SND1: variants seen among roughly 807,000 people sequenced by gnomAD.
The protein encoded by SND1 is staphylococcal nuclease domain-containing protein 1.
In SND1, 38 loss-of-function variants were observed where a neutral mutation model predicts 121.7. The observed-to-expected ratio is 0.31, with a 90% CI of 0.24 to 0.41. The LOEUF is 0.41. SND1 is among the 10% of genes least tolerant of loss of function. SND1 has a pLI of 1.00. For missense variants in SND1, 868 were observed against 1,184.6 expected, an observed-to-expected ratio of 0.73 and a Z score of 3.92; for synonymous variants, 401 against 447.4, an observed-to-expected ratio of 0.90 and a Z score of 1.31.
At chr7:127,804,405 A>G (rs1356461404) in intron 10 of SND1, among the ~76,000 whole-genome samples, 1 of 151,832 alleles carries the variant, frequency 6.6e-6, no homozygotes, top group Admixed American at 6.6e-5. Flanking sequence ...TACACTTTTT[A>G]TTTTCCTTCA....
intron 16 of SND1, among the ~76,000 whole-genome samples, chr7:128,021,737 TATC>T (rs1803353336): frequency 6.6e-6 from 1 of 152,068 alleles, no homozygotes; most frequent in Non-Finnish European, 1.5e-5. Context: ...GGAGAGGAAA[TATC>T]ATGAGAAATG....
intron 12 of SND1, among the ~76,000 whole-genome samples, chr7:127,882,238 G>A (rs1158158138): frequency 6.6e-6 from 1 of 151,578 alleles, no homozygotes; most frequent in African/African-American, 2.4e-5. Flanking sequence ...TGGGTGACAG[G>A]GCATGACCCT....
rs148428602 is a variant in SND1, at chr7:127,661,810, A to G, written c.78+9359A>G. On this transcript the variant is annotated intron_variant, in intron 1 of 23. Coordinates refer to ENST00000354725, the MANE Select transcript of SND1 (RefSeq NM_014390.4). ...TTAAAATTTCAAGCAGTAGAGAGGTATGAAGTAAAAAAGAAAAATCCCTAG... is the reference window on the plus strand; with the variant it reads ...TTAAAATTTCAAGCAGTAGAGAGGTGTGAAGTAAAAAAGAAAAATCCCTAG... Among the ~76,000 whole-genome samples the G allele has an allele frequency of 4.5e-3, 686 of 152,176 alleles. 6 individuals carry two copies. The highest frequency in any genetic ancestry group is 0.016 in the African/African-American group (652 of 41,518).
intron 16 of SND1, among the ~76,000 whole-genome samples, chr7:128,025,477 C>T (rs973976080): frequency 1.3e-5 from 2 of 152,162 alleles, no homozygotes; most frequent in Non-Finnish European, 2.9e-5. Flanking sequence ...TCTCTAACTC[C>T]GTATCATCAG....
intron 15 of SND1, among the ~76,000 whole-genome samples, chr7:127,933,876 T>G (rs1558492): frequency 1 from 152,144 of 152,298 alleles, 75,995 homozygotes; most frequent in East Asian, 1. Flanking sequence ...TGGAAGGAAG[T>G]CTCCTGGCTT....
chr7:127,937,153 C>T (rs1347171234), intron 15 of SND1, among the ~76,000 whole-genome samples: 3 of 152,172 alleles, frequency 2.0e-5, no homozygotes, highest in Non-Finnish European at 2.9e-5. Flanking sequence ...GTGAGTCCAC[C>T]ATGCCGTGTT....
chr7:128,040,321 A>G (rs1178266175), intron 16 of SND1, among the ~76,000 whole-genome samples: 3 of 151,254 alleles, frequency 2.0e-5, no homozygotes, highest in African/African-American at 4.9e-5. Context: ...TAATCCCAGC[A>G]TTTTGGGAGG....
intron 11 of SND1, among the ~76,000 whole-genome samples, chr7:127,843,018 A>G (rs1798991881): frequency 6.6e-6 from 1 of 152,214 alleles, no homozygotes; most frequent in Non-Finnish European, 1.5e-5. Flanking sequence ...TCTGTAAAGT[A>G]AAATTGCTGT....
intron 14 of SND1, among the ~76,000 whole-genome samples, chr7:127,914,381 G>A (rs946851318): frequency 6.6e-6 from 1 of 152,138 alleles, no homozygotes; most frequent in Non-Finnish European, 1.5e-5. Flanking sequence ...CCTGGCATAT[G>A]TCTCTTCTTC....
intron 10 of SND1, among the ~76,000 whole-genome samples, chr7:127,784,968 G>C (rs551494471): frequency 6.6e-6 from 1 of 151,996 alleles, no homozygotes; most frequent in Non-Finnish European, 1.5e-5. Context: ...GCACAAGCTG[G>C]AGTGCAGTGG....
chr7:127,827,710 G>A (rs1327739264), intron 11 of SND1, among the ~76,000 whole-genome samples: 2 of 152,092 alleles, frequency 1.3e-5, no homozygotes, highest in Non-Finnish European at 2.9e-5. Context: ...ATCTGATATG[G>A]CATTTCATTT....
chr7:128,068,249 C>G (rs934429611), intron 16 of SND1, among the ~76,000 whole-genome samples: 3 of 151,136 alleles, frequency 2.0e-5, no homozygotes, highest in Non-Finnish European at 4.4e-5. Context: ...CATGCTCACT[C>G]TCTCCCTCCC....
At chr7:128,061,547 T>C (rs1016509930) in intron 16 of SND1, among the ~76,000 whole-genome samples, 7 of 152,214 alleles carry the variant, frequency 4.6e-5, no homozygotes, top group African/African-American at 1.7e-4. Context: ...TATACGTTTC[T>C]AGGTCACAAA....
intron 16 of SND1, among the ~76,000 whole-genome samples, chr7:128,012,457 C>G (rs1172584233): frequency 6.6e-6 from 1 of 152,208 alleles, no homozygotes; most frequent in Non-Finnish European, 1.5e-5. Context: ...CACAAGAAAG[C>G]CCCAGTCCCT....
At chr7:128,024,720 T>C (rs769327575) in intron 16 of SND1, among the ~76,000 whole-genome samples, 17 of 152,212 alleles carry the variant, frequency 1.1e-4, no homozygotes, top group Non-Finnish European at 2.1e-4. Flanking sequence ...TTTACCTCCA[T>C]TGACGATAGG....
intron 10 of SND1, among the ~76,000 whole-genome samples, chr7:127,760,703 G>GAAGA (rs1337620076): frequency 6.6e-6 from 1 of 152,142 alleles, no homozygotes; most frequent in Non-Finnish European, 1.5e-5. Flanking sequence ...AACATTAAGG[G>GAAGA]AAGAGCCTCC....
chr7:127,858,019 T>C lies in SND1; in HGVS notation c.1343+13595T>C, dbSNP rs1340079454. On this transcript the variant is annotated intron_variant, in intron 12 of 23. Transcript: ENST00000354725. ...GGCATCCCCCGGGTTCTCCCACTTA[T>C]ATTCCCACATCACATCCACCAGACC... The C allele has an allele frequency of 7.6e-6, 11 of 1,452,266 alleles. No individual in the cohort carries two copies. The East Asian group carries it at 1.1e-4, about 15-fold the overall frequency. The allele number at this position is 1,452,266 out of a possible 1,614,324, so 90.0% of individuals were successfully genotyped here. A position where few individuals can be genotyped will look rare whatever the true frequency, so the allele number is the denominator to read the frequency against.
At chr7:128,003,362 C>A (rs1342894590) in intron 16 of SND1, among the ~76,000 whole-genome samples, 1 of 152,174 alleles carries the variant, frequency 6.6e-6, no homozygotes, top group Non-Finnish European at 1.5e-5. Flanking sequence ...GAACTGGAAA[C>A]TGCTTCACTG....
chr7:128,045,813 G>A (rs974991697), intron 16 of SND1, among the ~76,000 whole-genome samples: 5 of 152,060 alleles, frequency 3.3e-5, no homozygotes, highest in Admixed American at 3.3e-4. Context: ...TACCTTTCTT[G>A]GCTGCAAGAT....
Sources: allele counts gnomAD v4.1 joint callset (sites outside exome capture counted in the v4.1 genomes callset), GRCh38; gene constraint gnomAD v4.1.1; transcripts MANE v1.5; gene names NCBI Gene and HGNC (gene_info 2026-07-23, HGNC 2026-07-21).